Variants in NCAPD3 observed in about 807,000 individuals in gnomAD.
The protein encoded by NCAPD3 is condensin-2 complex subunit D3.
In NCAPD3, 105 loss-of-function variants were observed where a neutral mutation model predicts 182.9. The observed-to-expected ratio is 0.57, with a 90% CI of 0.49 to 0.68. NCAPD3 has a LOEUF of 0.68. Among genes scored for constraint, NCAPD3 ranks in the 30% least tolerant of loss-of-function variants. The pLI is 0.00. For missense variants in NCAPD3, 1,944 were observed against 1,837.0 expected (o/e 1.06, Z -1.07); for synonymous variants, 815 against 679.9 (o/e 1.20, Z -3.09).
chr11:134,181,130 A>G lies in NCAPD3; in HGVS notation c.2506T>C (p.Ser836Pro). Residue 836 changes from serine to proline, a missense_variant, in exon 20 of 35, where the codon TCC (serine) becomes CCC (proline). Coordinates refer to ENST00000534548, the MANE Select transcript of NCAPD3 (RefSeq NM_015261.3). ...DVLSTCEHRLSNIVLKENGTG... is the reference protein window; with the variant it reads ...DVLSTCEHRLPNIVLKENGTG... ...CCATTCTCCTTGAGAACGATGTTGG[A>G]GAGGCGGTGCTCGCAGGTGGAGAGT... 1 of 1,614,168 alleles carries G rather than the reference A, an allele frequency of 6.2e-7. No individual in the cohort carries two copies. Among genetic ancestry groups the G allele is most frequent in the South Asian group, 1.1e-5 (1 of 91,084 alleles).
intron 29 of NCAPD3, among the ~76,000 whole-genome samples, chr11:134,159,165 T>C (rs1943510188): frequency 2.0e-5 from 3 of 152,242 alleles, no homozygotes; most frequent in Admixed American, 1.3e-4. Flanking sequence ...TCCTTTCTTT[T>C]GACTATACAG....
intron 19 of NCAPD3, among the ~76,000 whole-genome samples, chr11:134,182,329 T>C (rs1944315342): frequency 6.6e-6 from 1 of 152,226 alleles, no homozygotes; most frequent in Non-Finnish European, 1.5e-5. Flanking sequence ...CCTCAGTAAG[T>C]TTTCTCTGCA....
intron 4 of NCAPD3, 133 bp from the exon 5 acceptor site, chr11:134,209,610 A>G: frequency 5.1e-6 from 4 of 781,706 alleles, no homozygotes; most frequent in Non-Finnish European, 8.0e-6. Flanking sequence ...GACTTTGACC[A>G]GGTCGCATGA....
At chr11:134,219,960 T>C (rs1292033926) in intron 2 of NCAPD3, among the ~76,000 whole-genome samples, 1 of 151,882 alleles carries the variant, frequency 6.6e-6, no homozygotes, top group Non-Finnish European at 1.5e-5. Flanking sequence ...CACAACCGGC[T>C]AATTTTTGTA....
chr11:134,152,780 C>T lies in NCAPD3; in HGVS notation c.*164G>A, dbSNP rs1943290418. On this transcript the variant is annotated 3_prime_UTR_variant, in exon 35 of 35. Coordinates refer to ENST00000534548, the MANE Select transcript of NCAPD3 (RefSeq NM_015261.3). ...ACAGTGTTTAACCAAATACATCATA[C>T]AGAATAGAAGGTGAGTGCCAGGCCC... 3.6e-6 allele frequency: 2 copies of T among 560,962 alleles called. No individual in the cohort carries two copies. Among genetic ancestry groups the T allele is most frequent in the Non-Finnish European group, 3.1e-6 (1 of 317,840 alleles). 34.7% of individuals were successfully genotyped at this position (560,962 alleles called of 1,614,324 possible). A position where few individuals can be genotyped will look rare whatever the true frequency, so the allele number is the denominator to read the frequency against.
chr11:134,209,048 G>C (rs1240056801), intron 6 of NCAPD3, 97 bp from the exon 7 acceptor site: 1 of 1,452,034 alleles, frequency 6.9e-7, no homozygotes, highest in Non-Finnish European at 9.6e-7. Flanking sequence ...AATTCTACCT[G>C]TGTGCCAATT....
chr11:134,161,669 G>A (rs1031853199), intron 28 of NCAPD3, 112 bp downstream of exon 28: 113 of 707,722 alleles, frequency 1.6e-4, no homozygotes, highest in Non-Finnish European at 2.6e-4. Context: ...TGGGTTTGCA[G>A]AATTTGGGGT....
chr11:134,207,929 A>T (rs1197782228), intron 7 of NCAPD3, among the ~76,000 whole-genome samples: 1 of 152,200 alleles, frequency 6.6e-6, no homozygotes, highest in Non-Finnish European at 1.5e-5. Context: ...CTTATAAAAT[A>T]CCGAATGTTT....
intron 1 of NCAPD3, among the ~76,000 whole-genome samples, chr11:134,222,541 T>C (rs1244938670): frequency 1.3e-5 from 2 of 152,222 alleles, no homozygotes; most frequent in South Asian, 4.1e-4. Context: ...AAACATAATG[T>C]GTATAAAGGC....
intron 31 of NCAPD3, among the ~76,000 whole-genome samples, 181 bp from the exon 32 acceptor site, chr11:134,157,276 C>T (rs1383046819): frequency 6.6e-6 from 1 of 152,076 alleles, no homozygotes; most frequent in Non-Finnish European, 1.5e-5. Flanking sequence ...GAAAAAATGT[C>T]CATTCTCATT....
chr11:134,154,486 C>G (rs1021938403), intron 32 of NCAPD3, among the ~76,000 whole-genome samples: 3 of 150,126 alleles, frequency 2.0e-5, no homozygotes, highest in East Asian at 2.0e-4. Context: ...CACCCCCCCC[C>G]CCACCGCCCC....
At chr11:134,155,424 T>C (rs1251388999) in intron 32 of NCAPD3, among the ~76,000 whole-genome samples, 1 of 152,138 alleles carries the variant, frequency 6.6e-6, no homozygotes, top group African/African-American at 2.4e-5. Flanking sequence ...TGGTTCAGTA[T>C]AAAGAGAGAC....
At position 134,206,273 on chromosome 11, in the gene NCAPD3, T is replaced by A. The variant is rs1031481142; in HGVS notation, c.1016+326A>T. ...CAACAGAAAAGGGAAAGAGGTGAAC[T>A]GGCTGCAATGAAGCAGACAAGGGAA... On this transcript the variant is annotated intron_variant, in intron 8 of 34. Transcript: ENST00000534548. 2.0e-5 allele frequency among the ~76,000 whole-genome samples: 3 copies of A among 152,044 alleles called. No homozygotes were observed. The East Asian group carries it at 5.8e-4, about 29-fold the overall frequency.
chr11:134,211,215 C>CT (rs1157033471), intron 3 of NCAPD3, among the ~76,000 whole-genome samples: 2 of 152,324 alleles, frequency 1.3e-5, no homozygotes, highest in South Asian at 4.1e-4. Flanking sequence ...ATAAAGGCTA[C>CT]TTTACATCAG....
chr11:134,168,925 C>T lies in NCAPD3; in HGVS notation c.3231G>A (p.Gln1077=). The change falls in exon 25 of 35, where the codon CAG becomes CAA. Residue 1077 remains glutamine (Q), a synonymous_variant. Coordinates refer to ENST00000534548, the MANE Select transcript of NCAPD3 (RefSeq NM_015261.3). ...EKHEKYNKFP[Q]SEREKRLFSL... Reference sequence around the variant, plus strand: ...TTAGCTGCTTCACTGACCTCTCTGACTGGGGGAACTTGTTGTACTTCTCAT... The same window carrying T: ...TTAGCTGCTTCACTGACCTCTCTGATTGGGGGAACTTGTTGTACTTCTCAT... The T allele has an allele frequency of 6.2e-7, 1 of 1,613,078 alleles. No homozygotes were observed. The highest frequency in any genetic ancestry group is 8.5e-7 in the Non-Finnish European group (1 of 1,179,440).
chr11:134,192,783 T>A lies in NCAPD3; in HGVS notation c.1951A>T (p.Ile651Phe), dbSNP rs779157360. 6.2e-7 allele frequency: 1 copy of A among 1,614,150 alleles called. No homozygotes were observed. Among genetic ancestry groups the A allele is most frequent in the Non-Finnish European group, 8.5e-7 (1 of 1,180,050 alleles). ...GAGTGAAAATGACTGTGATGCCGGATGTTCTGCAGCAGCAGCTGGTCCAGG... is the reference window on the plus strand; with the variant it reads ...GAGTGAAAATGACTGTGATGCCGGAAGTTCTGCAGCAGCAGCTGGTCCAGG... Reference protein sequence around the residue: ...EFLDQLLLQNIRHHSHFHSGD... With the variant: ...EFLDQLLLQNFRHHSHFHSGD... The change falls in exon 16 of 35, where the codon ATC becomes TTC. Residue 651 changes from isoleucine (I) to phenylalanine (F), a missense_variant. Around this residue, in one of 3 missense-constraint regions of NCAPD3, gnomAD observed 1,803 missense variants for 1,674.6 expected, o/e 1.08. Coordinates refer to ENST00000534548, the MANE Select transcript of NCAPD3 (RefSeq NM_015261.3).
chr11:134,164,324 G>A (rs1406203417), intron 27 of NCAPD3, among the ~76,000 whole-genome samples: 2 of 152,256 alleles, frequency 1.3e-5, no homozygotes, highest in South Asian at 2.1e-4. Flanking sequence ...ATGACTGAGG[G>A]AGTTTTGACA....
chr11:134,156,847 T>C (rs1005302508), intron 32 of NCAPD3, 171 bp downstream of exon 32: 4 of 575,938 alleles, frequency 6.9e-6, no homozygotes, highest in South Asian at 2.5e-5. Flanking sequence ...TCAGTGCTCA[T>C]GGATCAAGCG....
chr11:134,199,280 G>A (rs1396722298), intron 13 of NCAPD3, among the ~76,000 whole-genome samples: 1 of 152,120 alleles, frequency 6.6e-6, no homozygotes, highest in Non-Finnish European at 1.5e-5. Flanking sequence ...CAATTAACAA[G>A]CAGCAGCAAA....
Sources: gnomAD v4.1 joint callset for allele counts (sites outside exome capture counted in the v4.1 genomes callset) on GRCh38, gnomAD v4.1.1 for gene constraint, gnomAD v4.1.1 regional missense constraint, MANE v1.5 for transcripts, NCBI Gene and HGNC (gene_info 2026-07-23, HGNC 2026-07-21) for gene names.